TAOK1: variants seen among roughly 807,000 people sequenced by gnomAD.
The protein encoded by TAOK1 is TAO kinase 1.
In TAOK1, 21 loss-of-function variants were observed where a neutral mutation model predicts 138.3. That is an observed-to-expected ratio of 0.15 (90% CI 0.11 to 0.22). The LOEUF (loss-of-function observed/expected upper bound fraction) is 0.22. Ranked by LOEUF, TAOK1 falls within the 10% of genes least tolerant of loss-of-function variation. The pLI, the probability that TAOK1 is intolerant of heterozygous loss-of-function variation, is 1.00. For synonymous variants in TAOK1, 361 were observed against 398.4 expected (o/e 0.91, Z 1.12); for missense variants, 651 against 1,227.7 (o/e 0.53, Z 7.02).
chr17:29,429,246 A>G (rs1266697130), intron 1 of TAOK1, among the ~76,000 whole-genome samples: 1 of 152,002 alleles, frequency 6.6e-6, no homozygotes. Flanking sequence ...TGCAAAGAAG[A>G]TAGTACAGAG....
At chr17:29,477,889 A>G (rs1196736054) in intron 5 of TAOK1, among the ~76,000 whole-genome samples, 183 bp downstream of exon 5, 2 of 152,162 alleles carry the variant, frequency 1.3e-5, no homozygotes, top group Non-Finnish European at 2.9e-5. Flanking sequence ...GTTATACAGT[A>G]GCTTAAAATA....
intron 1 of TAOK1, among the ~76,000 whole-genome samples, chr17:29,433,451 A>AGAT (rs201419048): frequency 0.018 from 1,948 of 105,818 alleles, 44 homozygotes; most frequent in African/African-American, 0.082. Context: ...GAATGTAAAA[A>AGAT]GATTCTTCAC....
At chr17:29,510,722 T>C (rs2031705529) in intron 14 of TAOK1, 142 bp from the exon 15 acceptor site, 1 of 528,572 alleles carries the variant, frequency 1.9e-6, no homozygotes, top group Non-Finnish European at 3.1e-6. Context: ...CACATGTTTA[T>C]AATTTGGTTC....
In TAOK1 at chr17:29,498,314, T is replaced by C. The variant is rs142686525; in HGVS notation, c.1000-4T>C. Reference sequence around the variant, plus strand: ...GAACTGAACTGAATGTCCTTTTCTCTTAGGAACAAGATCATGGTGTTGGCC... The same window carrying C: ...GAACTGAACTGAATGTCCTTTTCTCCTAGGAACAAGATCATGGTGTTGGCC... On this transcript the variant is annotated splice_polypyrimidine_tract_variant and splice_region_variant and intron_variant, in intron 11 of 19. Transcript: ENST00000261716. The C allele has an allele frequency of 6.2e-7, 1 of 1,614,120 alleles. No homozygotes were observed. The highest frequency in any genetic ancestry group is 2.2e-5 in the East Asian group (1 of 44,868).
chr17:29,462,585 A>G (rs942829266), intron 2 of TAOK1, among the ~76,000 whole-genome samples: 1 of 152,114 alleles, frequency 6.6e-6, no homozygotes. Context: ...CTAGTATAAG[A>G]TTTTACTAAT....
chr17:29,402,690 A>T (rs1040364843), intron 1 of TAOK1, among the ~76,000 whole-genome samples: 1 of 152,104 alleles, frequency 6.6e-6, no homozygotes, highest in African/African-American at 2.4e-5. Context: ...TTTAATTGAA[A>T]TACGTCTGTT....
At chr17:29,454,546 G>A (rs1206576563) in intron 2 of TAOK1, among the ~76,000 whole-genome samples, 1 of 151,934 alleles carries the variant, frequency 6.6e-6, no homozygotes, top group Non-Finnish European at 1.5e-5. Context: ...TAGATCTATA[G>A]ATCACTGTCT....
intron 4 of TAOK1, among the ~76,000 whole-genome samples, 189 bp from the exon 5 acceptor site, chr17:29,477,472 T>C (rs2030970047): frequency 6.6e-6 from 1 of 151,756 alleles, no homozygotes; most frequent in Non-Finnish European, 1.5e-5. Context: ...ATAACTATTT[T>C]TTATTAAAAA....
At position 29,498,498 on chromosome 17, in the gene TAOK1, A is replaced by G; in HGVS notation, c.1180A>G (p.Ser394Gly). 6.2e-7 allele frequency: 1 copy of G among 1,614,238 alleles called. No homozygotes were observed. Among genetic ancestry groups the G allele is most frequent in the Non-Finnish European group, 8.5e-7 (1 of 1,180,034 alleles). The part of the protein sequence containing the change: ...MEGDHTVMSN[S>G]SVIHLKPEEE... ...GGGAGACCACACAGTGATGTCTAAC[A>G]GTTCTGTTATCCATTTAAAACCAGT... The change falls in exon 12 of 20, where the codon AGT becomes GGT. Residue 394 changes from serine to glycine, a missense_variant. Ser to Gly is a moderately conservative substitution (Grantham distance 56, BLOSUM62 0). Coordinates refer to ENST00000261716, the MANE Select transcript of TAOK1 (RefSeq NM_020791.4).
chr17:29,479,521 G>A (rs992418731), intron 6 of TAOK1, among the ~76,000 whole-genome samples: 6 of 152,054 alleles, frequency 3.9e-5, no homozygotes, highest in African/African-American at 1.4e-4. Context: ...ATACCCACAA[G>A]CTAGTAAATA....
At chr17:29,450,601 T>G (rs1356732407) in intron 1 of TAOK1, among the ~76,000 whole-genome samples, 1 of 152,134 alleles carries the variant, frequency 6.6e-6, no homozygotes, top group Non-Finnish European at 1.5e-5. Flanking sequence ...AACCTTGACC[T>G]CCTGAACTCC....
rs374691332 is a variant in TAOK1, at chr17:29,423,376, C to T, written c.-94-28079C>T. ...GACTACAGGTGCCCGCCACCACGCCCGGCTAATTTTTTTCTATTTTTTAGT... is the reference window on the plus strand; with the variant it reads ...GACTACAGGTGCCCGCCACCACGCCTGGCTAATTTTTTTCTATTTTTTAGT... On this transcript the variant is annotated intron_variant, in intron 1 of 19. Transcript: ENST00000261716. Among the ~76,000 whole-genome samples the T allele has an allele frequency of 3.2e-3, 486 of 151,574 alleles. 3 individuals are homozygous for T. The highest frequency in any genetic ancestry group is 0.011 in the African/African-American group (463 of 41,360).
intron 1 of TAOK1, among the ~76,000 whole-genome samples, chr17:29,417,345 G>A (rs1234151928): frequency 6.6e-6 from 1 of 152,010 alleles, no homozygotes; most frequent in Admixed American, 6.6e-5. Context: ...TGGGTTGTTT[G>A]TTTTCTTATT....
At chr17:29,530,015 A>G (rs932302057) in intron 17 of TAOK1, among the ~76,000 whole-genome samples, 14 of 151,932 alleles carry the variant, frequency 9.2e-5, no homozygotes, top group African/African-American at 3.4e-4. Context: ...TAACAGAGTG[A>G]GACTCCATCT....
At chr17:29,412,489 C>T (rs991278209) in intron 1 of TAOK1, among the ~76,000 whole-genome samples, 1 of 145,662 alleles carries the variant, frequency 6.9e-6, no homozygotes, top group African/African-American at 2.6e-5. Flanking sequence ...TCAGCTTATA[C>T]TGTCCTTGTT....
intron 12 of TAOK1, among the ~76,000 whole-genome samples, chr17:29,499,029 A>T (rs1200334378): frequency 6.6e-6 from 1 of 152,160 alleles, no homozygotes; most frequent in Non-Finnish European, 1.5e-5. Context: ...TACAAAAAGA[A>T]TGTGGAACTA....
chr17:29,465,233 A>G (rs1239318649), intron 2 of TAOK1, among the ~76,000 whole-genome samples: 3 of 137,966 alleles, frequency 2.2e-5, no homozygotes. Flanking sequence ...GGCTCACTGC[A>G]ACCTCTGCCT....
Position 29,546,336 on chromosome 17 carries a change from A to AT in TAOK1, c.*3314_*3315insT. On this transcript the variant is annotated 3_prime_UTR_variant, in exon 20 of 20. Coordinates refer to ENST00000261716, the MANE Select transcript of TAOK1 (RefSeq NM_020791.4). The stretch of plus-strand genomic sequence containing the variant: ...ATCAGGTAAACATTCAGTACACTAA[A>AT]GAAACTATCCTGGACACTCCCTCCT... 1 of 152,032 alleles carries AT rather than the reference A, an allele frequency of 6.6e-6. No homozygotes were observed. The highest frequency in any genetic ancestry group is 1.5e-5 in the Non-Finnish European group (1 of 67,930). The allele number at this position is 152,032 out of a possible 1,614,324, so 9.4% of individuals were successfully genotyped here.
intron 1 of TAOK1, among the ~76,000 whole-genome samples, chr17:29,441,656 C>T (rs1471434194): frequency 2.0e-5 from 3 of 152,152 alleles, no homozygotes; most frequent in Non-Finnish European, 4.4e-5. Context: ...AATCCCAGCA[C>T]TTTGGGAGGC....
Sources: gnomAD v4.1 joint callset for allele counts (sites outside exome capture counted in the v4.1 genomes callset) on GRCh38, gnomAD v4.1.1 for gene constraint, MANE v1.5 for transcripts, NCBI Gene and HGNC (gene_info 2026-07-23, HGNC 2026-07-21) for gene names.